SLC5A11: variants seen among roughly 807,000 people sequenced by gnomAD.
SLC5A11 encodes solute carrier family 5 member 11, also known as sodium/myo-inositol cotransporter 2.
SLC5A11 carries 48 observed loss-of-function variants against 69.8 expected under a neutral mutation model. The observed-to-expected ratio is 0.69, with a 90% CI of 0.55 to 0.87. SLC5A11 has a LOEUF of 0.87. Ranked by LOEUF, SLC5A11 falls within the 40% of genes least tolerant of loss-of-function variation. The pLI is 0.00. For synonymous variants in SLC5A11, 319 were observed against 342.4 expected (o/e 0.93, Z 0.75); for missense variants, 784 against 866.1 (o/e 0.91, Z 1.19).
intron 8 of SLC5A11, among the ~76,000 whole-genome samples, chr16:24,888,783 C>CCTT (rs2048570752): frequency 2.2e-5 from 1 of 45,756 alleles, no homozygotes; most frequent in African/African-American, 7.7e-5. Context: ...CGTGCCTGTC[C>CCTT]TTTTTTTTTT....
chr16:24,877,452 T>A, intron 7 of SLC5A11, 89 bp downstream of exon 8: 1 of 963,538 alleles, frequency 1.0e-6, no homozygotes, highest in Non-Finnish European at 1.6e-6. Context: ...CTTCTGATGT[T>A]CCATTGTGCT....
At chr16:24,891,212 C>T in intron 9 of SLC5A11, 138 bp downstream of exon 10, 3 of 725,808 alleles carry the variant, frequency 4.1e-6, no homozygotes, top group South Asian at 1.9e-5. Context: ...TCCTCCTTTC[C>T]ATTGCTCTAC....
intron 9 of SLC5A11, among the ~76,000 whole-genome samples, chr16:24,895,575 G>A (rs1444828141): frequency 6.9e-6 from 1 of 144,542 alleles, no homozygotes; most frequent in East Asian, 2.1e-4. Context: ...GGGAGGGGAA[G>A]GGAGGGAAGG....
intron 3 of SLC5A11, among the ~76,000 whole-genome samples, chr16:24,863,757 A>G (rs2046746123): frequency 6.6e-6 from 1 of 152,196 alleles, no homozygotes; most frequent in Non-Finnish European, 1.5e-5. Context: ...TGGGTCTCAG[A>G]AAAAAACAGT....
intron 10 of SLC5A11, among the ~76,000 whole-genome samples, chr16:24,902,546 C>CT (rs35191056): frequency 0.44 from 57,793 of 130,212 alleles, 13,459 homozygotes; most frequent in Non-Finnish European, 0.5. Context: ...CCAATCAAGT[C>CT]TTTTTTTTTT....
chr16:24,864,914 ATC>A lies in SLC5A11; in HGVS notation c.207+2244_207+2245del, dbSNP rs1003756993. The stretch of plus-strand genomic sequence containing the variant: ...AGATTTGAGCAGGCAAAAAAAATGA[ATC>A]TGTGAAATTGAAGATAGATTAATTG... On this transcript the variant is annotated intron_variant, in intron 3 of 15. Coordinates refer to ENST00000347898, the Ensembl canonical transcript of SLC5A11. 4.1e-3 allele frequency among the ~76,000 whole-genome samples: 627 copies of A among 152,186 alleles called. 3 individuals carry two copies. The highest frequency in any genetic ancestry group is 0.014 in the African/African-American group (575 of 41,456).
intron 2 of SLC5A11, among the ~76,000 whole-genome samples, chr16:24,860,325 G>T (rs1219228170): frequency 6.6e-6 from 1 of 151,992 alleles, no homozygotes; most frequent in African/African-American, 2.4e-5. Flanking sequence ...ACGTGGTGGT[G>T]GGTGCCTGTA....
chr16:24,901,587 G>A (rs576373149), intron 10 of SLC5A11, among the ~76,000 whole-genome samples: 1 of 151,876 alleles, frequency 6.6e-6, no homozygotes, highest in African/African-American at 2.4e-5. Context: ...TCCAGCCTGG[G>A]TGACAAAGTG....
intron 3 of SLC5A11, among the ~76,000 whole-genome samples, chr16:24,863,253 A>C (rs780385592): frequency 6.6e-6 from 1 of 151,906 alleles, no homozygotes; most frequent in Non-Finnish European, 1.5e-5. Flanking sequence ...AGCTGCATTT[A>C]GTTGGTGACT....
chr16:24,853,630 G>A (rs1370993421), intron 1 of SLC5A11, among the ~76,000 whole-genome samples: 1 of 152,188 alleles, frequency 6.6e-6, no homozygotes, highest in African/African-American at 2.4e-5. Flanking sequence ...GCCAGGAATG[G>A]CCACCTCCAA....
At chr16:24,849,589 AAAAAATATAT>A (rs1339756934) in intron 1 of SLC5A11, among the ~76,000 whole-genome samples, 3 of 63,774 alleles carry the variant, frequency 4.7e-5, no homozygotes, top group African/African-American at 1.1e-4. Context: ...AAAAAAAAAA[AAAAAATATAT>A]ATATATATAT....
intron 1 of SLC5A11, among the ~76,000 whole-genome samples, chr16:24,850,484 A>C (rs764938537): frequency 5.3e-5 from 8 of 152,232 alleles, no homozygotes; most frequent in Non-Finnish European, 1.0e-4. Context: ...TGCAGCAGGC[A>C]GTCAGCGCCA....
chr16:24,859,967 T>C (rs1191554637), intron 2 of SLC5A11, among the ~76,000 whole-genome samples: 2 of 152,108 alleles, frequency 1.3e-5, no homozygotes, highest in East Asian at 3.9e-4. Flanking sequence ...CTGGCCAACA[T>C]GGTGAAATCC....
intron 2 of SLC5A11, among the ~76,000 whole-genome samples, chr16:24,861,815 A>AAAG (rs1287392613): frequency 6.7e-6 from 1 of 149,470 alleles, no homozygotes; most frequent in Non-Finnish European, 1.5e-5. Flanking sequence ...AAGAAAAAAG[A>AAAG]AAGAAAAAAT....
At chr16:24,911,469 T>C (rs753987425) in exon 16 of SLC5A11, 3 of 1,614,020 alleles carry the variant, frequency 1.9e-6, no homozygotes, top group Admixed American at 1.7e-5. Flanking sequence ...GTGAAGACCC[T>C]CCTGGACGTC....
At chr16:24,889,652 G>A (rs115805845) in intron 8 of SLC5A11, among the ~76,000 whole-genome samples, 2,312 of 140,592 alleles carry the variant, frequency 0.016, 48 homozygotes, top group African/African-American at 0.056. Flanking sequence ...TCCAGGAGAC[G>A]TTCTCCTGCC....
At chr16:24,896,006 G>A (rs1029374865) in intron 9 of SLC5A11, among the ~76,000 whole-genome samples, 5 of 151,894 alleles carry the variant, frequency 3.3e-5, no homozygotes, top group Non-Finnish European at 2.9e-5. Flanking sequence ...ATGATTTAGT[G>A]AGGACTCATT....
At position 24,854,953 on chromosome 16, in the gene SLC5A11, C is replaced by T. The variant is rs527399931; in HGVS notation, c.-24-3667C>T. ...ACAGAGAAAGGTTAGGTTAGGTTAG[C>T]CTTGTGTGTGTGTGTGTGTGTTTGT... On this transcript the variant is annotated intron_variant, in intron 1 of 15. Coordinates refer to ENST00000347898, the Ensembl canonical transcript of SLC5A11. 2.7e-5 allele frequency among the ~76,000 whole-genome samples: 4 copies of T among 150,192 alleles called. 1 individual carries two copies. Among genetic ancestry groups the T allele is most frequent in the African/African-American group, 9.7e-5 (4 of 41,346 alleles).
chr16:24,881,892 G>A (rs1267992507), intron 7 of SLC5A11, among the ~76,000 whole-genome samples: 5 of 152,136 alleles, frequency 3.3e-5, no homozygotes, highest in African/African-American at 1.2e-4. Flanking sequence ...GAGCTTTGAA[G>A]GAAACAAAAT....
Sources: allele counts gnomAD v4.1 joint callset (sites outside exome capture counted in the v4.1 genomes callset), GRCh38; gene constraint gnomAD v4.1.1; transcripts MANE v1.5; gene names NCBI Gene and HGNC (gene_info 2026-07-23, HGNC 2026-07-21).